The following DGUOK variants were observed in gnomAD, a reference collection of about 807,000 sequenced individuals.
The protein encoded by DGUOK is deoxyguanosine kinase, mitochondrial.
Under a neutral mutation model 36.6 loss-of-function variants are expected in DGUOK, and 30 were observed. The ratio of observed to expected loss-of-function variants is 0.82; its 90% CI spans 0.61 to 1.11. The LOEUF is 1.11. Among genes scored for constraint, DGUOK ranks in the 50% most tolerant of loss-of-function variants. The probability of loss-of-function intolerance (pLI) is 0.00; values close to 1 mark genes in which losing one functional copy is unlikely to be tolerated. For missense variants in DGUOK, 361 were observed against 336.4 expected (o/e 1.07, Z -0.57); for synonymous variants, 145 against 126.3 (o/e 1.15, Z -0.99).
At chr2:73,933,646 C>A (rs1681228440) in intron 1 of DGUOK, among the ~76,000 whole-genome samples, 1 of 151,712 alleles carries the variant, frequency 6.6e-6, no homozygotes, top group Non-Finnish European at 1.5e-5. Context: ...GAAAAAAGGT[C>A]ATCAAAGTAA....
intron 4 of DGUOK, among the ~76,000 whole-genome samples, chr2:73,952,190 TA>T (rs2104971071): frequency 6.6e-6 from 1 of 152,244 alleles, no homozygotes; most frequent in African/African-American, 2.4e-5. Flanking sequence ...AAAACTGAAC[TA>T]AAGATTCAGT....
chr2:73,956,798 G>A lies in DGUOK; in HGVS notation c.592-327G>A, dbSNP rs149099857. ...AGGCAAGGAGAGAACATTCTAGAGA[G>A]ATGAAAGAGAATTGAGTGACTTCCC... On this transcript the variant is annotated intron_variant, in intron 4 of 6. Transcript: ENST00000264093. Among the ~76,000 whole-genome samples the A allele has an allele frequency of 1.2e-4, 18 of 152,320 alleles. No individual in the cohort carries two copies. In the East Asian group the frequency reaches 3.1e-3, roughly 26 times the overall value.
intron 2 of DGUOK, among the ~76,000 whole-genome samples, chr2:73,943,530 C>T (rs1464714651): frequency 6.6e-6 from 1 of 151,944 alleles, no homozygotes; most frequent in Non-Finnish European, 1.5e-5. Flanking sequence ...TGCATCTTTT[C>T]TAGCATAGAA....
At chr2:73,956,973 C>CG in intron 4 of DGUOK, 152 bp from the exon 5 acceptor site, 1 of 510,574 alleles carries the variant, frequency 2.0e-6, no homozygotes, top group Non-Finnish European at 3.6e-6. Flanking sequence ...TGTAGATCCT[C>CG]TGATTGCATA....
intron 2 of DGUOK, among the ~76,000 whole-genome samples, chr2:73,943,651 GTT>G (rs759537449): frequency 4.9e-5 from 7 of 141,806 alleles, no homozygotes; most frequent in African/African-American, 7.7e-5. Context: ...AGTTATTCAG[GTT>G]TTTTTTTTTT....
rs1682645768 is a variant in DGUOK, at chr2:73,950,693, C to T, written c.552C>T (p.Ile184=). Residue 184 remains isoleucine, a synonymous_variant, in exon 4 of 7, where the codon ATC becomes ATT. Transcript: ENST00000264093. The part of the protein sequence containing the change: ...SFLLWEFASR[I]TLHGFIYLQA... ...TCCTGTGGGAGTTTGCCAGCCGGATCACATTACATGGCTTCATCTACCTCC... is the reference window on the plus strand; with the variant it reads ...TCCTGTGGGAGTTTGCCAGCCGGATTACATTACATGGCTTCATCTACCTCC... The T allele has an allele frequency of 6.2e-7, 1 of 1,614,202 alleles. No homozygotes were observed. The highest frequency in any genetic ancestry group is 2.2e-5 in the East Asian group (1 of 44,886).
intron 1 of DGUOK, among the ~76,000 whole-genome samples, chr2:73,934,547 G>A (rs1267414931): frequency 6.6e-6 from 1 of 152,168 alleles, no homozygotes; most frequent in Non-Finnish European, 1.5e-5. Context: ...GAGGTCAGGA[G>A]TTCAAGACCA....
chr2:73,957,284 C>T (rs559692031), intron 5 of DGUOK, 44 bp downstream of exon 5: 3 of 1,471,120 alleles, frequency 2.0e-6, no homozygotes, highest in African/African-American at 1.4e-5. Flanking sequence ...AGACCTGGCT[C>T]CCAACAGCCA....
At chr2:73,932,654 A>G (rs1274446738) in intron 1 of DGUOK, 12 of 1,294,488 alleles carry the variant, frequency 9.3e-6, no homozygotes, top group Non-Finnish European at 1.2e-5. Context: ...CTGAACAGGG[A>G]AGGTGAACCC....
Position 73,958,711 on chromosome 2 carries a change from T to C in DGUOK, c.809T>C (p.Val270Ala). 1 of 1,611,698 alleles carries C rather than the reference T, an allele frequency of 6.2e-7. No individual in the cohort carries two copies. The highest frequency in any genetic ancestry group is 8.5e-7 in the Non-Finnish European group (1 of 1,177,714). ...VTKQEDLMREVNTFVKNL is the reference protein window; with the variant it reads ...VTKQEDLMREANTFVKNL ...CTTCTGATTTTCTCCTTCCCACAGG[T>C]AAACACCTTTGTAAAGAATCTGTAA... is the stretch of plus-strand genomic sequence containing the variant. Residue 270 changes from valine (V) to alanine (A), a missense_variant and splice_region_variant, in exon 7 of 7, where the codon GTA (valine) becomes GCA (alanine). By Grantham distance (64) the Val-to-Ala change is moderately conservative (BLOSUM62 0). Coordinates refer to ENST00000264093, the MANE Select transcript of DGUOK (RefSeq NM_080916.3).
At chr2:73,953,794 C>A (rs1423833201) in intron 4 of DGUOK, among the ~76,000 whole-genome samples, 1 of 147,758 alleles carries the variant, frequency 6.8e-6, no homozygotes, top group Admixed American at 6.8e-5. Context: ...TCTCTGCTCA[C>A]TGCAAGCTCC....
chr2:73,933,733 G>C lies in DGUOK; in HGVS notation c.143-5177G>C, dbSNP rs1247745167. On this transcript the variant is annotated intron_variant, in intron 1 of 6. Coordinates refer to ENST00000264093, the MANE Select transcript of DGUOK (RefSeq NM_080916.3). ...TAGAATGCCTTTAAGCTTGGAGCCT[G>C]TATGATCCTGGGTACTCAGTCTTGG... Among the ~76,000 whole-genome samples, 3 of 152,056 alleles carry C rather than the reference G, an allele frequency of 2.0e-5. No individual in the cohort carries two copies. In the South Asian group the frequency reaches 6.2e-4, roughly 32 times the overall value.
intron 2 of DGUOK, among the ~76,000 whole-genome samples, chr2:73,942,356 A>G (rs1681967175): frequency 6.6e-6 from 1 of 151,922 alleles, no homozygotes; most frequent in African/African-American, 2.4e-5. Context: ...AAAATAATCT[A>G]TTTCTTTTTG....
At chr2:73,951,523 C>T (rs1394032536) in intron 4 of DGUOK, among the ~76,000 whole-genome samples, 2 of 151,994 alleles carry the variant, frequency 1.3e-5, no homozygotes, top group Non-Finnish European at 2.9e-5. Flanking sequence ...AGTCAAATGC[C>T]AGATATACCA....
intron 4 of DGUOK, among the ~76,000 whole-genome samples, chr2:73,952,657 A>G (rs1682778716): frequency 6.6e-6 from 1 of 152,204 alleles, no homozygotes; most frequent in Middle Eastern, 3.2e-3. Context: ...ACCTTTTCCA[A>G]GAGAACAGCA....
chr2:73,939,838 G>T, intron 2 of DGUOK, among the ~76,000 whole-genome samples: 1 of 151,542 alleles, frequency 6.6e-6, no homozygotes, highest in East Asian at 1.9e-4. Flanking sequence ...TTAACTTTTC[G>T]CCGTAACAAC....
At chr2:73,946,929 A>G (rs1281641086) in intron 3 of DGUOK, 23 bp downstream of exon 3, 1 of 1,597,058 alleles carries the variant, frequency 6.3e-7, no homozygotes, top group Non-Finnish European at 8.5e-7. Flanking sequence ...GCCCTCCACC[A>G]GTCACAAGCC....
chr2:73,933,410 C>G (rs1681206707), intron 1 of DGUOK, among the ~76,000 whole-genome samples: 1 of 152,080 alleles, frequency 6.6e-6, no homozygotes, highest in African/African-American at 2.4e-5. Flanking sequence ...TTTGGTAAAC[C>G]AGAGCAGGCA....
intron 5 of DGUOK, 38 bp from the exon 6 acceptor site, chr2:73,958,108 C>CT: frequency 6.5e-7 from 1 of 1,546,016 alleles, no homozygotes; most frequent in South Asian, 1.1e-5. Context: ...AGTTACATTT[C>CT]TTTTTTTCTG....
Sources: gnomAD v4.1 joint callset for allele counts (sites outside exome capture counted in the v4.1 genomes callset) on GRCh38, gnomAD v4.1.1 for gene constraint, MANE v1.5 for transcripts, NCBI Gene and HGNC (gene_info 2026-07-23, HGNC 2026-07-21) for gene names.